Variants in B4GALNT3 observed in about 807,000 individuals in gnomAD.
B4GALNT3 encodes the protein beta-1,4-N-acetyl-galactosaminyltransferase 3.
B4GALNT3 carries 86 observed loss-of-function variants against 120.2 expected under a neutral mutation model. The observed-to-expected ratio is 0.72, with a 90% CI of 0.60 to 0.86. The LOEUF (loss-of-function observed/expected upper bound fraction) is 0.86. Among genes scored for constraint, B4GALNT3 ranks in the 40% least tolerant of loss-of-function variants. B4GALNT3 has a pLI of 0.00. For missense variants in B4GALNT3, 1,167 were observed against 1,298.9 expected (o/e 0.90, Z 1.56); for synonymous variants, 518 against 510.4 (o/e 1.01, Z -0.20).
At chr12:537,163 G>A (rs1042557374) in intron 3 of B4GALNT3, among the ~76,000 whole-genome samples, 3 of 152,156 alleles carry the variant, frequency 2.0e-5, no homozygotes, top group African/African-American at 4.8e-5. Context: ...ATGCTGTAAC[G>A]AACATGCACT....
chr12:476,080 A>G (rs1294288042), intron 1 of B4GALNT3, among the ~76,000 whole-genome samples: 1 of 152,174 alleles, frequency 6.6e-6, no homozygotes, highest in African/African-American at 2.4e-5. Flanking sequence ...GAAGCTTTGA[A>G]GTCAGACTAC....
intron 1 of B4GALNT3, among the ~76,000 whole-genome samples, chr12:506,925 C>T (rs1480420767): frequency 4.6e-5 from 7 of 152,238 alleles, no homozygotes; most frequent in African/African-American, 1.4e-4. Flanking sequence ...CGTGAGCCAC[C>T]GTGCCCGGCC....
rs1946009914 is a variant in B4GALNT3 at position 460,515 on chromosome 12, G to A, written c.139G>A (p.Ala47Thr). Residue 47 changes from alanine to threonine, a missense_variant, in exon 1 of 20, where the codon GCC becomes ACC. By Grantham distance (58) the Ala-to-Thr change is moderately conservative. This residue lies in a region of B4GALNT3 where 171 missense variants were observed against 161.3 expected (regional missense o/e 1.06). Transcript: ENST00000266383. The surrounding 1 kb of genome is among the most constrained non-coding windows in gnomAD (Gnocchi z 8.0). ...WTLYLELVAS[A>T]QVGGNPLNRR... is the part of the protein sequence containing the mutation. ...TCTGTATCTGGAACTGGTGGCGTCG[G>A]CCCAGGTCGGCGGGAACCCCCTGAA... The A allele has an allele frequency of 6.4e-7, 1 of 1,557,516 alleles. No homozygotes were observed. Among genetic ancestry groups the A allele is most frequent in the Non-Finnish European group, 8.7e-7 (1 of 1,150,292 alleles).
At chr12:554,599 G>C (rs936094398) in intron 14 of B4GALNT3, among the ~76,000 whole-genome samples, 1 of 150,822 alleles carries the variant, frequency 6.6e-6, no homozygotes, top group African/African-American at 2.4e-5. Flanking sequence ...GACCATCCTG[G>C]CTAACACGGT....
At chr12:492,066 A>AAAAAAT (rs1443820002) in intron 1 of B4GALNT3, among the ~76,000 whole-genome samples, 1 of 151,802 alleles carries the variant, frequency 6.6e-6, no homozygotes, top group Non-Finnish European at 1.5e-5. Context: ...AAAAAAAAAA[A>AAAAAAT]AGAACAAGGC....
intron 14 of B4GALNT3, among the ~76,000 whole-genome samples, chr12:555,927 G>A (rs1468436633): frequency 1.3e-5 from 2 of 151,826 alleles, no homozygotes; most frequent in Non-Finnish European, 1.5e-5. Context: ...GGAACTACAG[G>A]TGCCCACCAC....
intron 3 of B4GALNT3, among the ~76,000 whole-genome samples, chr12:537,162 C>T (rs1270365572): frequency 2.0e-5 from 3 of 152,140 alleles, no homozygotes; most frequent in Admixed American, 6.5e-5. Flanking sequence ...AATGCTGTAA[C>T]GAACATGCAC....
intron 1 of B4GALNT3, among the ~76,000 whole-genome samples, chr12:462,349 C>G (rs1946029894): frequency 6.7e-6 from 1 of 150,290 alleles, no homozygotes; most frequent in Non-Finnish European, 1.5e-5. Flanking sequence ...TCCCTCTCCT[C>G]ACTTTTCTTT....
chr12:522,627 G>T (rs1946721523), intron 1 of B4GALNT3, among the ~76,000 whole-genome samples: 1 of 152,098 alleles, frequency 6.6e-6, no homozygotes, highest in Non-Finnish European at 1.5e-5. Context: ...ATGCCATTAA[G>T]TGTACACTTT....
chr12:464,056 C>G (rs1314037034), intron 1 of B4GALNT3, among the ~76,000 whole-genome samples: 3 of 152,184 alleles, frequency 2.0e-5, no homozygotes, highest in African/African-American at 7.2e-5. Context: ...TTGAGCCCAA[C>G]ATTAACTCTT....
At chr12:497,720 G>A (rs1043749009) in intron 1 of B4GALNT3, among the ~76,000 whole-genome samples, 9 of 152,172 alleles carry the variant, frequency 5.9e-5, no homozygotes, top group African/African-American at 2.2e-4. Flanking sequence ...GAGCCAGGTG[G>A]TCACTTTTCC....
At chr12:523,191 A>T (rs1311390256) in intron 1 of B4GALNT3, among the ~76,000 whole-genome samples, 1 of 151,996 alleles carries the variant, frequency 6.6e-6, no homozygotes, top group Non-Finnish European at 1.5e-5. Context: ...CTGTCACTTC[A>T]CTCAGTCCCT....
intron 19 of B4GALNT3, among the ~76,000 whole-genome samples, chr12:560,897 T>C (rs1947222491): frequency 6.6e-6 from 1 of 152,164 alleles, no homozygotes; most frequent in East Asian, 1.9e-4. Flanking sequence ...GCCAGGTGTC[T>C]CAGTGCAGCA....
intron 19 of B4GALNT3, among the ~76,000 whole-genome samples, chr12:560,492 G>A (rs1265557888): frequency 2.0e-5 from 3 of 152,190 alleles, no homozygotes; most frequent in African/African-American, 4.8e-5. Context: ...TCACTTAAGC[G>A]TTAGAGGCTT....
chr12:533,667 C>A (rs148342239), intron 1 of B4GALNT3, among the ~76,000 whole-genome samples: 45 of 152,314 alleles, frequency 3.0e-4, no homozygotes, highest in African/African-American at 1.1e-3. Context: ...AGACTCGGAG[C>A]GCTCTTTCCC....
intron 1 of B4GALNT3, among the ~76,000 whole-genome samples, chr12:530,080 G>A (rs547084505): frequency 3.6e-5 from 5 of 138,824 alleles, no homozygotes; most frequent in South Asian, 2.5e-4. Flanking sequence ...GTGTACCTTC[G>A]GTAAAGGTGA....
At chr12:517,772 T>C (rs746213115) in intron 1 of B4GALNT3, among the ~76,000 whole-genome samples, 1 of 152,110 alleles carries the variant, frequency 6.6e-6, no homozygotes, top group Non-Finnish European at 1.5e-5. Context: ...GGGGAAAGCA[T>C]AGGAGAGGCA....
chr12:543,976 T>C (rs1157966322), intron 3 of B4GALNT3, among the ~76,000 whole-genome samples: 15 of 114,484 alleles, frequency 1.3e-4, no homozygotes, highest in Non-Finnish European at 2.1e-4. Flanking sequence ...CTCATCCTCC[T>C]GGAGCTGAGG....
At chr12:509,923 T>C (rs146730727) in intron 1 of B4GALNT3, among the ~76,000 whole-genome samples, 1 of 152,332 alleles carries the variant, frequency 6.6e-6, no homozygotes, top group African/African-American at 2.4e-5. Flanking sequence ...CATCCCTTGC[T>C]GCATTTCACT....
Sources: gnomAD v4.1 joint callset for allele counts (sites outside exome capture counted in the v4.1 genomes callset) on GRCh38, gnomAD v4.1.1 for gene constraint, gnomAD v4.1.1 regional missense constraint, Gnocchi (gnomAD v3.1) non-coding constraint, MANE v1.5 for transcripts, NCBI Gene and HGNC (gene_info 2026-07-23, HGNC 2026-07-21) for gene names.